The following DST variants were observed in gnomAD, a reference collection of about 807,000 sequenced individuals.
DST encodes the protein dystonin.
DST carries 253 observed loss-of-function variants against 875.2 expected under a neutral mutation model. That is an observed-to-expected ratio of 0.29 (90% CI 0.26 to 0.32). The LOEUF is 0.32. Among genes scored for constraint, DST ranks in the 10% least tolerant of loss-of-function variants. The pLI, the probability that DST is intolerant of heterozygous loss-of-function variation, is 1.00. For synonymous variants in DST, 3,124 were observed against 3,197.1 expected, an observed-to-expected ratio of 0.98 and a Z score of 0.77; for missense variants, 8,287 against 9,111.6, an observed-to-expected ratio of 0.91 and a Z score of 3.68.
chr6:56,618,288 G>C (rs79687887), intron 36 of DST: 1 of 1,614,084 alleles, frequency 6.2e-7, no homozygotes, highest in Non-Finnish European at 8.5e-7. Flanking sequence ...TGTGGTTCTT[G>C]AGTCCATCTC....
At chr6:56,619,082 T>C in intron 36 of DST, 1 of 1,613,598 alleles carries the variant, frequency 6.2e-7, no homozygotes, top group South Asian at 1.1e-5. Flanking sequence ...CGCCAGGTCT[T>C]CTTCTAGGCA....
intron 49 of DST, among the ~76,000 whole-genome samples, chr6:56,591,594 A>G (rs2098273083): frequency 6.6e-6 from 1 of 152,202 alleles, no homozygotes; most frequent in African/African-American, 2.4e-5. Flanking sequence ...ATAAAGATAA[A>G]TAAGTGGCCA....
At chr6:56,503,106 T>G (rs987100847) in intron 78 of DST, among the ~76,000 whole-genome samples, 13 of 152,130 alleles carry the variant, frequency 8.5e-5, no homozygotes, top group African/African-American at 3.1e-4. Context: ...ATCATGGATG[T>G]GTTTTTAACC....
At chr6:56,617,492 A>T in intron 36 of DST, 1 of 1,324,026 alleles carries the variant, frequency 7.6e-7, no homozygotes, top group Non-Finnish European at 1.1e-6. Context: ...CTCAATCCAA[A>T]CATAATTCTT....
chr6:56,491,480 CA>C (rs1167107631), intron 85 of DST, among the ~76,000 whole-genome samples: 1 of 152,006 alleles, frequency 6.6e-6, no homozygotes, highest in Non-Finnish European at 1.5e-5. Context: ...CCATGGAGTA[CA>C]AAGACACACA....
intron 72 of DST, among the ~76,000 whole-genome samples, chr6:56,513,100 G>A (rs2096513874): frequency 6.6e-6 from 1 of 152,188 alleles, no homozygotes; most frequent in South Asian, 2.1e-4. Context: ...TTTCACTCAA[G>A]AGTTATCAAG....
chr6:56,500,999 A>G (rs2096101521), intron 80 of DST, 81 bp downstream of exon 80: 1 of 1,394,616 alleles, frequency 7.2e-7, no homozygotes, highest in African/African-American at 1.5e-5. Flanking sequence ...AAACACGCAT[A>G]AAGAAGAAAT....
intron 73 of DST, among the ~76,000 whole-genome samples, chr6:56,510,490 C>T (rs982355510): frequency 6.6e-5 from 10 of 152,062 alleles, no homozygotes; most frequent in Non-Finnish European, 1.0e-4. Context: ...TTTTTATTTA[C>T]TTCATGGTTA....
chr6:56,635,463 G>T, intron 24 of DST, 126 bp downstream of exon 24: 3 of 955,528 alleles, frequency 3.1e-6, no homozygotes, highest in Non-Finnish European at 4.8e-6. Flanking sequence ...AACTGAATGT[G>T]CAAATGTGTA....
At chr6:56,815,009 G>C (rs770208653) in intron 4 of DST, among the ~76,000 whole-genome samples, 1 of 152,190 alleles carries the variant, frequency 6.6e-6, no homozygotes, top group East Asian at 1.9e-4. Context: ...CACAGCCGAG[G>C]TTAGAATCAC....
intron 85 of DST, 108 bp downstream of exon 85, chr6:56,492,119 T>C (rs1201647381): frequency 4.2e-5 from 42 of 999,036 alleles, no homozygotes; most frequent in African/African-American, 1.6e-5. Context: ...CATGCCATGA[T>C]TGTTATGCCT....
At chr6:56,651,683 C>A (rs997552609) in intron 10 of DST, among the ~76,000 whole-genome samples, 3 of 152,168 alleles carry the variant, frequency 2.0e-5, no homozygotes, top group African/African-American at 7.2e-5. Flanking sequence ...TCATCTTTGT[C>A]TTCTATAATC....
Position 56,618,722 on chromosome 6 carries a change from T to A in DST, c.4930-4238A>T, listed in dbSNP as rs766416079. ...AAAGTCAAGCCTAATGCCTGAAATA[T>A]CATTTTCAGTGATGACTTTGGACTC... On this transcript the variant is annotated intron_variant, in intron 36 of 103. Transcript: ENST00000680361. 9.9e-6 allele frequency: 16 copies of A among 1,613,936 alleles called. No individual in the cohort carries two copies. The highest frequency in any genetic ancestry group is 1.4e-5 in the Non-Finnish European group (16 of 1,179,926).
chr6:56,645,845 C>T (rs774251753), intron 15 of DST, 21 bp downstream of exon 15: 3 of 1,607,862 alleles, frequency 1.9e-6, no homozygotes, highest in Non-Finnish European at 2.5e-6. Context: ...ATATTCATGG[C>T]AGAAAACACC....
intron 4 of DST, among the ~76,000 whole-genome samples, chr6:56,836,707 C>T (rs889537822): frequency 1.7e-4 from 26 of 150,966 alleles, no homozygotes; most frequent in African/African-American, 5.8e-4. Flanking sequence ...AAAAATTAGC[C>T]GGGCGTGATG....
At chr6:56,918,472 A>T (rs1802443140) in intron 2 of DST, among the ~76,000 whole-genome samples, 1 of 152,194 alleles carries the variant, frequency 6.6e-6, no homozygotes, top group South Asian at 2.1e-4. Flanking sequence ...ACCATACTTA[A>T]CTATTTTCCT....
intron 9 of DST, among the ~76,000 whole-genome samples, chr6:56,686,943 G>A (rs986362538): frequency 2.6e-5 from 4 of 152,144 alleles, no homozygotes; most frequent in African/African-American, 7.2e-5. Context: ...TTAAGGATGG[G>A]AATAATAAGA....
At chr6:56,882,884 C>A (rs188750531) in intron 3 of DST, among the ~76,000 whole-genome samples, 1 of 152,124 alleles carries the variant, frequency 6.6e-6, no homozygotes, top group African/African-American at 2.4e-5. Flanking sequence ...TTTTCCCCCC[C>A]AAGACAGAGT....
chr6:56,695,351 CT>C (rs1462716515), intron 9 of DST, among the ~76,000 whole-genome samples: 1 of 152,002 alleles, frequency 6.6e-6, no homozygotes, highest in Non-Finnish European at 1.5e-5. Flanking sequence ...CTTTTCTGTT[CT>C]TTATAAACTA....
Sources: allele counts gnomAD v4.1 joint callset (sites outside exome capture counted in the v4.1 genomes callset), GRCh38; gene constraint gnomAD v4.1.1; transcripts MANE v1.5; gene names NCBI Gene and HGNC (gene_info 2026-07-23, HGNC 2026-07-21).